Variants in PPP1R12B observed in about 807,000 individuals in gnomAD.
The protein encoded by PPP1R12B is protein phosphatase 1 regulatory subunit 12B, also known as myosin phosphatase target subunit 2.
Under a neutral mutation model 126.1 loss-of-function variants are expected in PPP1R12B, and 76 were observed. That is an observed-to-expected ratio of 0.60 (90% CI 0.50 to 0.73). The LOEUF is 0.73. PPP1R12B is among the 30% of genes least tolerant of loss of function. The pLI, the probability that PPP1R12B is intolerant of heterozygous loss-of-function variation, is 0.00. For synonymous variants in PPP1R12B, 356 were observed against 434.7 expected (o/e 0.82, Z 2.25); for missense variants, 1,052 against 1,205.1 (o/e 0.87, Z 1.88).
At chr1:202,431,725 G>A in intron 8 of PPP1R12B, 106 bp downstream of exon 8, 1 of 1,111,892 alleles carries the variant, frequency 9.0e-7, no homozygotes, top group Non-Finnish European at 1.3e-6. Context: ...AAAAGAGCTT[G>A]AAGTTTAGTT....
intron 1 of PPP1R12B, among the ~76,000 whole-genome samples, chr1:202,404,400 T>C (rs1270260580): frequency 1.3e-5 from 2 of 152,180 alleles, no homozygotes; most frequent in Non-Finnish European, 2.9e-5. Flanking sequence ...CCTTTGCCTA[T>C]GTTATTCTCT....
At chr1:202,506,721 C>G (rs1345195987) in intron 18 of PPP1R12B, among the ~76,000 whole-genome samples, 1 of 151,896 alleles carries the variant, frequency 6.6e-6, no homozygotes, top group Non-Finnish European at 1.5e-5. Context: ...ATTATAGGAA[C>G]AGAGATGAGC....
rs1391177162 is a variant in PPP1R12B at position 202,422,682 on chromosome 1, A to C, written c.485A>C (p.Asp162Ala). 6.2e-7 allele frequency: 1 copy of C among 1,613,878 alleles called. No homozygotes were observed. Residue 162 changes from aspartate to alanine, a missense_variant, in exon 3 of 24, where the codon GAC (aspartate) becomes GCC (alanine). Asp to Ala is a moderately radical substitution (Grantham distance 126). Coordinates refer to ENST00000608999, the MANE Select transcript of PPP1R12B (RefSeq NM_002481.4). Reference protein sequence around the residue: ...IVNSEGEVPSDLAEEPAMKDL... With the variant: ...IVNSEGEVPSALAEEPAMKDL... The stretch of plus-strand genomic sequence containing the variant: ...AATAGTGAAGGTGAAGTTCCCTCTG[A>C]CCTTGCAGAAGAGCCAGCCATGAAG...
chr1:202,389,730 C>T (rs1403464492), intron 1 of PPP1R12B, among the ~76,000 whole-genome samples: 5 of 151,994 alleles, frequency 3.3e-5, no homozygotes, highest in African/African-American at 4.8e-5. Flanking sequence ...AGTTCGAGAC[C>T]AGCCTGGCCA....
At chr1:202,543,884 TG>T (rs1685390608) in intron 18 of PPP1R12B, among the ~76,000 whole-genome samples, 1 of 152,248 alleles carries the variant, frequency 6.6e-6, no homozygotes, top group Non-Finnish European at 1.5e-5. Flanking sequence ...TGGTCTCTGT[TG>T]ATCCTAAATA....
rs527436788 is a variant in PPP1R12B at position 202,426,998 on chromosome 1, A to G, written c.702-42A>G. 2.3e-5 allele frequency: 37 copies of G among 1,586,338 alleles called. 2 individuals carry two copies. In the South Asian group the frequency reaches 3.7e-4, roughly 16 times the overall value. On this transcript the variant is annotated intron_variant, in intron 4 of 23. Transcript: ENST00000608999. ...ATAGTGTATTTGCCAGAAAATTGTA[A>G]TATACAGAAGATATATGTCTTGTTT... is the stretch of plus-strand genomic sequence containing the variant.
intron 1 of PPP1R12B, among the ~76,000 whole-genome samples, chr1:202,356,693 C>T (rs373087288): frequency 9.9e-5 from 15 of 152,154 alleles, no homozygotes; most frequent in African/African-American, 3.6e-4. Flanking sequence ...GTTCTGTGAG[C>T]CAAGGAATGC....
chr1:202,547,460 C>T (rs1469533721), intron 18 of PPP1R12B, among the ~76,000 whole-genome samples: 1 of 152,154 alleles, frequency 6.6e-6, no homozygotes, highest in Non-Finnish European at 1.5e-5. Flanking sequence ...CTACCAGTGA[C>T]ATGATTAGAT....
rs774110985 is a variant in PPP1R12B at position 202,495,449 on chromosome 1, A to G, written c.2302A>G (p.Asn768Asp). Reference sequence around the variant, plus strand: ...TTCTGAGAGTTCAGAGACTACCACAAACACTACAACTGCAAAGGAAATGGA... The same window carrying G: ...TTCTGAGAGTTCAGAGACTACCACAGACACTACAACTGCAAAGGAAATGGA... ...PDSESSETTT[N>D]TTTAKEMDKN... The change falls in exon 16 of 24, where the codon AAC (asparagine) becomes GAC (aspartate). Residue 768 changes from asparagine to aspartate, a missense_variant. By Grantham distance (23) the Asn-to-Asp change is conservative. Transcript: ENST00000608999. 4.4e-6 allele frequency: 7 copies of G among 1,608,126 alleles called. No individual in the cohort carries two copies. Among genetic ancestry groups the G allele is most frequent in the African/African-American group, 1.3e-5 (1 of 74,740 alleles).
At chr1:202,447,680 A>G (rs1472777951) in intron 12 of PPP1R12B, among the ~76,000 whole-genome samples, 1 of 152,262 alleles carries the variant, frequency 6.6e-6, no homozygotes, top group Non-Finnish European at 1.5e-5. Context: ...GTAATTTAAT[A>G]AAATAAAATC....
chr1:202,541,315 G>T (rs1685109514), intron 18 of PPP1R12B, among the ~76,000 whole-genome samples: 1 of 152,056 alleles, frequency 6.6e-6, no homozygotes, highest in Non-Finnish European at 1.5e-5. Flanking sequence ...TTGGTATATG[G>T]CATGTTGGTC....
chr1:202,433,875 C>G (rs1337406397), intron 8 of PPP1R12B, among the ~76,000 whole-genome samples: 1 of 152,210 alleles, frequency 6.6e-6, no homozygotes, highest in Non-Finnish European at 1.5e-5. Context: ...GCTGGGAACT[C>G]TGGGTTTATT....
chr1:202,382,807 C>T (rs919785254), intron 1 of PPP1R12B, among the ~76,000 whole-genome samples: 27 of 150,760 alleles, frequency 1.8e-4, no homozygotes, highest in African/African-American at 6.6e-4. Flanking sequence ...ACCCTGGAGC[C>T]AGAGGTTACA....
intron 23 of PPP1R12B, chr1:202,576,174 G>T (rs974164830): frequency 6.6e-6 from 1 of 152,240 alleles, no homozygotes; most frequent in Non-Finnish European, 1.5e-5. Context: ...AAAGGATATG[G>T]CAGGCAGTGG....
At chr1:202,357,409 T>C (rs1378307947) in intron 1 of PPP1R12B, among the ~76,000 whole-genome samples, 12 of 152,156 alleles carry the variant, frequency 7.9e-5, no homozygotes, top group Non-Finnish European at 1.8e-4. Flanking sequence ...TTGTGGAGGT[T>C]ATATGAAGTT....
chr1:202,554,128 C>T (rs1041838503), intron 18 of PPP1R12B, among the ~76,000 whole-genome samples: 1 of 152,084 alleles, frequency 6.6e-6, no homozygotes, highest in African/African-American at 2.4e-5. Flanking sequence ...TCATCAAACC[C>T]CGGATTATCT....
chr1:202,365,277 G>A (rs1414643758), intron 1 of PPP1R12B, among the ~76,000 whole-genome samples: 1 of 151,768 alleles, frequency 6.6e-6, no homozygotes, highest in Non-Finnish European at 1.5e-5. Context: ...TTAGAGACAG[G>A]GAAATCCTAA....
intron 13 of PPP1R12B, chr1:202,462,609 TCTC>T (rs1674457635): frequency 5.3e-6 from 1 of 190,244 alleles, no homozygotes; most frequent in Admixed American, 6.5e-5. Flanking sequence ...TTGCGGTTAA[TCTC>T]CTTCTGATAA....
At chr1:202,362,152 G>T (rs1437754477) in intron 1 of PPP1R12B, among the ~76,000 whole-genome samples, 1 of 151,506 alleles carries the variant, frequency 6.6e-6, no homozygotes, top group Non-Finnish European at 1.5e-5. Context: ...AAGTTGGTTG[G>T]TCTAGCGATG....
Sources: gnomAD v4.1 joint callset for allele counts (sites outside exome capture counted in the v4.1 genomes callset) on GRCh38, gnomAD v4.1.1 for gene constraint, MANE v1.5 for transcripts, NCBI Gene and HGNC (gene_info 2026-07-23, HGNC 2026-07-21) for gene names.